LARP6: variants seen among roughly 807,000 people sequenced by gnomAD.
LARP6 encodes the protein la-related protein 6.
A neutral mutation model predicts 32.8 loss-of-function variants in LARP6; 18 were observed. The observed-to-expected ratio is 0.55, with a 90% CI of 0.38 to 0.81. The LOEUF (loss-of-function observed/expected upper bound fraction) is 0.81. Among genes scored for constraint, LARP6 ranks in the 40% least tolerant of loss-of-function variants. The pLI is 0.00. For missense variants in LARP6, 598 were observed against 663.1 expected (o/e 0.90, Z 1.08); for synonymous variants, 289 against 267.2 (o/e 1.08, Z -0.80).
chr15:70,853,963 GC>G lies in LARP6; in HGVS notation c.125del (p.Gly42AlafsTer51). 6.9e-7 allele frequency: 1 copy of G among 1,455,602 alleles called. No homozygotes were observed. The highest frequency in any genetic ancestry group is 9.1e-7 in the Non-Finnish European group (1 of 1,098,930). The allele number at this position is 1,455,602 out of a possible 1,614,324, so 90.2% of individuals were successfully genotyped here. ...EDEEEGAETR[G>X]AGDPARYLSP... The stretch of plus-strand genomic sequence containing the variant: ...TGAGGTACCGGGCCGGGTCCCCGGC[GC>G]CCCGAGTCTCCGCCCCCTCCTCCTC... On this transcript the variant is annotated frameshift_variant, in exon 1 of 3. Coordinates refer to ENST00000299213, the MANE Select transcript of LARP6 (RefSeq NM_018357.4). LOFTEE classifies it high-confidence loss of function.
intron 1 of LARP6, chr15:70,852,011 T>C (rs2032475336): frequency 4.7e-6 from 2 of 422,452 alleles, no homozygotes; most frequent in Non-Finnish European, 8.9e-6. Flanking sequence ...GTTGAGGCAA[T>C]GGGCTGAGGA....
At chr15:70,844,192 T>TG (rs1371757168) in intron 1 of LARP6, among the ~76,000 whole-genome samples, 1 of 151,944 alleles carries the variant, frequency 6.6e-6, no homozygotes, top group Non-Finnish European at 1.5e-5. Flanking sequence ...CCTGACCTCA[T>TG]GTGATCTGCC....
chr15:70,844,023 C>T (rs1256651861), intron 1 of LARP6, among the ~76,000 whole-genome samples: 1 of 151,248 alleles, frequency 6.6e-6, no homozygotes, highest in Non-Finnish European at 1.5e-5. Context: ...GTGGTGCGAT[C>T]TCGGCTCACT....
Position 70,854,056 on chromosome 15 carries a change from C to A in LARP6, c.33G>T (p.Gly11=). MAQSGGEARP[G]PKTAVQIRVA... is the part of the protein sequence containing the mutation. ...CGCGGATCTGCACCGCCGTCTTGGG[C>A]CCGGGCCGAGCCTCCCCGCCGGACT... Residue 11 remains glycine, a synonymous_variant, in exon 1 of 3, where the codon GGG becomes GGT. Transcript: ENST00000299213. 2 of 1,403,028 alleles carry A rather than the reference C, an allele frequency of 1.4e-6. No homozygotes were observed. The allele number at this position is 1,403,028 out of a possible 1,614,324, so 86.9% of individuals were successfully genotyped here. A position where few individuals can be genotyped will look rare whatever the true frequency, so the allele number is the denominator to read the frequency against.
chr15:70,853,802 A>C, intron 1 of LARP6, 87 bp downstream of exon 1: 1 of 981,544 alleles, frequency 1.0e-6, no homozygotes, highest in Non-Finnish European at 1.3e-6. Flanking sequence ...CTGCCCGAGG[A>C]GTTGTCGCGC....
chr15:70,848,624 C>T lies in LARP6; in HGVS notation c.200+5265G>A, dbSNP rs1039630454. On this transcript the variant is annotated intron_variant, in intron 1 of 2. Coordinates refer to ENST00000299213, the MANE Select transcript of LARP6 (RefSeq NM_018357.4). ...GCAGGTGCCTGCAATCCCAGCTACT[C>T]GGGAGGCTGAGGCATAAGAATCACT... Among the ~76,000 whole-genome samples, 8 of 151,896 alleles carry T rather than the reference C, an allele frequency of 5.3e-5. No individual in the cohort carries two copies. In the East Asian group the frequency reaches 1.6e-3, roughly 30 times the overall value.
intron 1 of LARP6, 39 bp from the exon 2 acceptor site, chr15:70,836,544 T>C (rs2032152313): frequency 6.5e-7 from 1 of 1,547,916 alleles, no homozygotes; most frequent in Non-Finnish European, 8.9e-7. Flanking sequence ...AGGGTCAACG[T>C]TGAACTGTGT....
intron 1 of LARP6, chr15:70,851,846 G>T: frequency 6.7e-7 from 1 of 1,496,058 alleles, no homozygotes; most frequent in Non-Finnish European, 9.0e-7. Context: ...TGGGGGTGGT[G>T]GAGAAGAGGC....
rs186633694 is a variant in LARP6, at chr15:70,848,589, G to A, written c.200+5300C>T. Among the ~76,000 whole-genome samples the A allele has an allele frequency of 1.1e-3, 173 of 152,142 alleles. 3 individuals are homozygous for A. The highest frequency in any genetic ancestry group is 0.01 in the Admixed American group (159 of 15,268). On this transcript the variant is annotated intron_variant, in intron 1 of 2. Coordinates refer to ENST00000299213, the MANE Select transcript of LARP6 (RefSeq NM_018357.4). ...TCTACTAAAAATACAAAAATTAGCC[G>A]GGCATGGTGGCAGGTGCCTGCAATC...
chr15:70,837,069 T>C (rs1027383128), intron 1 of LARP6, among the ~76,000 whole-genome samples: 1 of 152,084 alleles, frequency 6.6e-6, no homozygotes, highest in East Asian at 1.9e-4. Flanking sequence ...TTAACAAGCA[T>C]GGAGGATCAT....
chr15:70,850,527 T>C (rs977509775), intron 1 of LARP6, among the ~76,000 whole-genome samples: 1 of 152,208 alleles, frequency 6.6e-6, no homozygotes, highest in Non-Finnish European at 1.5e-5. Context: ...CTGGGATGCA[T>C]GCATGGATCT....
At chr15:70,848,416 C>T (rs1009228702) in intron 1 of LARP6, among the ~76,000 whole-genome samples, 1 of 152,134 alleles carries the variant, frequency 6.6e-6, no homozygotes, top group Non-Finnish European at 1.5e-5. Context: ...AGTTCTACAT[C>T]TGACAAAAAA....
At position 70,854,055 on chromosome 15, in the gene LARP6, G is replaced by A; in HGVS notation, c.34C>T (p.Pro12Ser). Residue 12 changes from proline (P) to serine (S), a missense_variant, in exon 1 of 3, where the codon CCC becomes TCC. Physicochemically the swap from Pro to Ser is moderately conservative, Grantham distance 74. Coordinates refer to ENST00000299213, the MANE Select transcript of LARP6 (RefSeq NM_018357.4). Reference sequence around the variant, plus strand: ...ACGCGGATCTGCACCGCCGTCTTGGGCCCGGGCCGAGCCTCCCCGCCGGAC... The same window carrying A: ...ACGCGGATCTGCACCGCCGTCTTGGACCCGGGCCGAGCCTCCCCGCCGGAC... ...AQSGGEARPG[P>S]KTAVQIRVAI... is the part of the protein sequence containing the mutation. 1 of 1,403,394 alleles carries A rather than the reference G, an allele frequency of 7.1e-7. No homozygotes were observed. The highest frequency in any genetic ancestry group is 2.6e-5 in the Admixed American group (1 of 38,030). 86.9% of individuals were successfully genotyped at this position (1,403,394 alleles called of 1,614,324 possible). A position where few individuals can be genotyped will look rare whatever the true frequency, so the allele number is the denominator to read the frequency against.
At chr15:70,843,680 G>A (rs1336550036) in intron 1 of LARP6, among the ~76,000 whole-genome samples, 1 of 131,000 alleles carries the variant, frequency 7.6e-6, no homozygotes, top group Non-Finnish European at 1.6e-5. Context: ...TTTTGAGACG[G>A]AGTCTCACTC....
chr15:70,843,677 A>G (rs1336872204), intron 1 of LARP6, among the ~76,000 whole-genome samples: 2 of 104,994 alleles, frequency 1.9e-5, no homozygotes, highest in Non-Finnish European at 3.5e-5. Context: ...TTTTTTTGAG[A>G]CGGAGTCTCA....
chr15:70,839,886 A>G lies in LARP6; in HGVS notation c.201-3381T>C, dbSNP rs1595952375. Among the ~76,000 whole-genome samples the G allele has an allele frequency of 3.9e-5, 6 of 152,300 alleles. No homozygotes were observed. The South Asian group carries it at 1.2e-3, about 32-fold the overall frequency. On this transcript the variant is annotated intron_variant, in intron 1 of 2. Coordinates refer to ENST00000299213, the MANE Select transcript of LARP6 (RefSeq NM_018357.4). ...TGTGATGGTTGAATCTGCAGCAGCC[A>G]TTTTACTACCATAAGGAAAAGGCCA...
intron 1 of LARP6, chr15:70,849,340 A>C (rs1238394488): frequency 6.4e-6 from 1 of 156,770 alleles, no homozygotes; most frequent in African/African-American, 2.4e-5. Context: ...CTGGGCGACA[A>C]GAGCAAGACC....
rs756160357 is a variant in LARP6 at position 70,832,045 on chromosome 15, A to G, written c.*7T>C. ...TCAGTGGAGCTTGTATTAAAAATAGAAGGTATTTATACACAGGCCCTGCTC... is the reference window on the plus strand; with the variant it reads ...TCAGTGGAGCTTGTATTAAAAATAGGAGGTATTTATACACAGGCCCTGCTC... On this transcript the variant is annotated 3_prime_UTR_variant, in exon 3 of 3. Coordinates refer to ENST00000299213, the MANE Select transcript of LARP6 (RefSeq NM_018357.4). 10 of 1,459,084 alleles carry G rather than the reference A, an allele frequency of 6.9e-6. No individual in the cohort carries two copies. In the African/African-American group the frequency reaches 1.4e-4, roughly 21 times the overall value. 90.4% of individuals were successfully genotyped at this position (1,459,084 alleles called of 1,614,324 possible).
chr15:70,832,328 C>T lies in LARP6; in HGVS notation c.1200G>A (p.Glu400=), dbSNP rs757849078. Residue 400 remains glutamate (E), a synonymous_variant, in exon 3 of 3, where the codon GAG becomes GAA. Transcript: ENST00000299213. Reference sequence around the variant, plus strand: ...TGGTGCTGCAGTTCAGTCTACCTTCCTCCGCCAGTGGGGACTTTCTGGAAA... The same window carrying T: ...TGGTGCTGCAGTTCAGTCTACCTTCTTCCGCCAGTGGGGACTTTCTGGAAA... ...KGVSRKSPLA[E]EGRLNCSTSP... 2.5e-6 allele frequency: 4 copies of T among 1,614,268 alleles called. No individual in the cohort carries two copies. The highest frequency in any genetic ancestry group is 3.4e-6 in the Non-Finnish European group (4 of 1,180,044).
Sources: gnomAD v4.1 joint callset for allele counts (sites outside exome capture counted in the v4.1 genomes callset) on GRCh38, gnomAD v4.1.1 for gene constraint, MANE v1.5 for transcripts, NCBI Gene and HGNC (gene_info 2026-07-23, HGNC 2026-07-21) for gene names.